Variants in NTAQ1 observed in about 807,000 individuals in gnomAD.
NTAQ1 encodes protein N-terminal glutamine amidohydrolase.
NTAQ1 carries 21 observed loss-of-function variants against 28.2 expected under a neutral mutation model. That is an observed-to-expected ratio of 0.74 (90% CI 0.53 to 1.07). The LOEUF (loss-of-function observed/expected upper bound fraction) is 1.07. Ranked by LOEUF, NTAQ1 falls within the 50% of genes least tolerant of loss-of-function variation. The probability of loss-of-function intolerance (pLI) is 0.00; values close to 1 mark genes in which losing one functional copy is unlikely to be tolerated. For synonymous variants in NTAQ1, 105 were observed against 90.0 expected (o/e 1.17, Z -0.94); for missense variants, 264 against 256.6 (o/e 1.03, Z -0.20).
chr8:123,465,574 CTTTTTTTTTTTTTTTT>C (rs71310691), intron 6 of NTAQ1, among the ~76,000 whole-genome samples: 1 of 78,560 alleles, frequency 1.3e-5, no homozygotes, highest in Non-Finnish European at 2.2e-5. Context: ...AGCATAACAT[CTTTTTTTTTTTTTTTT>C]TTTTTTTTTG....
rs531757342 is a variant in NTAQ1 at position 123,458,682 on chromosome 8, C to T, written c.373-8397C>T. Among the ~76,000 whole-genome samples, 121 of 150,884 alleles carry T rather than the reference C, an allele frequency of 8.0e-4. 1 individual carries two copies. The highest frequency in any genetic ancestry group is 2.8e-3 in the African/African-American group (116 of 41,154). On this transcript the variant is annotated intron_variant, in intron 6 of 6. Coordinates refer to the NTAQ1 transcript ENST00000650311. ...TGTTGCCCAGGCTGGAGTGCAACGG[C>T]GCGATCTCGGCTCACTGCAAGCTCC... is the stretch of plus-strand genomic sequence containing the variant.
At chr8:123,461,171 T>G (rs1169039505) in intron 6 of NTAQ1, among the ~76,000 whole-genome samples, 3 of 152,134 alleles carry the variant, frequency 2.0e-5, no homozygotes, top group Non-Finnish European at 4.4e-5. Context: ...TGGGAGTAGG[T>G]GGATAAGTGG....
chr8:123,442,111 A>C lies in NTAQ1; in HGVS notation c.*696A>C, dbSNP rs1011795417. 1 of 152,358 alleles carries C rather than the reference A, an allele frequency of 6.6e-6. No homozygotes were observed. The highest frequency in any genetic ancestry group is 1.5e-5 in the Non-Finnish European group (1 of 68,044). The allele number at this position is 152,358 out of a possible 1,614,324, so 9.4% of individuals were successfully genotyped here. On this transcript the variant is annotated 3_prime_UTR_variant, in exon 6 of 6. Transcript: ENST00000287387. ...TAGATGAGAACCAGGGCTTTAAAAA[A>C]TATTTATTACATGTGCCTTCTGGAA...
chr8:123,443,140 C>T (rs1403907578), downstream of NTAQ1, among the ~76,000 whole-genome samples: 1 of 152,068 alleles, frequency 6.6e-6, no homozygotes, highest in Non-Finnish European at 1.5e-5. Flanking sequence ...ATGCCTCAGC[C>T]TCCCGAGTAG....
downstream of NTAQ1, among the ~76,000 whole-genome samples, chr8:123,446,281 C>T (rs7001767): frequency 0.29 from 44,431 of 152,148 alleles, 7,177 homozygotes; most frequent in South Asian, 0.45. Flanking sequence ...GCTGGGATTA[C>T]AGGCATCAGC....
At chr8:123,454,389 AGG>A (rs1815588622) in intron 6 of NTAQ1, among the ~76,000 whole-genome samples, 2 of 145,358 alleles carry the variant, frequency 1.4e-5, no homozygotes, top group African/African-American at 5.0e-5. Flanking sequence ...TTTTTTTGAG[AGG>A]GAGTTTCACT....
rs1429546171 is a variant in NTAQ1, at chr8:123,442,055, T to C, written c.*640T>C. On this transcript the variant is annotated 3_prime_UTR_variant, in exon 6 of 6. Transcript: ENST00000287387. Reference sequence around the variant, plus strand: ...TTGAAGATTTTTGTGTCACCCTTGATGATCTGAAATACCTAAATATGCCTC... The same window carrying C: ...TTGAAGATTTTTGTGTCACCCTTGACGATCTGAAATACCTAAATATGCCTC... 1 of 152,590 alleles carries C rather than the reference T, an allele frequency of 6.6e-6. No homozygotes were observed. The highest frequency in any genetic ancestry group is 1.5e-5 in the Non-Finnish European group (1 of 68,044). 9.5% of individuals were successfully genotyped at this position (152,590 alleles called of 1,614,324 possible).
chr8:123,441,336 G>A lies in NTAQ1; in HGVS notation c.539G>A (p.Ser180Asn). The change falls in exon 6 of 6, where the codon AGT (serine) becomes AAT (asparagine). Residue 180 changes from serine (S) to asparagine (N), a missense_variant. Physicochemically the swap from Ser to Asn is conservative, Grantham distance 46. Transcript: ENST00000287387. ...DSKMNLNDFISMDPKVGWGAV... is the reference protein window; with the variant it reads ...DSKMNLNDFINMDPKVGWGAV... ...AAAATGAACCTGAACGATTTCATCAGTATGGATCCCAAGGTAGGATGGGGC... is the reference window on the plus strand; with the variant it reads ...AAAATGAACCTGAACGATTTCATCAATATGGATCCCAAGGTAGGATGGGGC... 6.2e-7 allele frequency: 1 copy of A among 1,611,898 alleles called. No individual in the cohort carries two copies. The highest frequency in any genetic ancestry group is 8.5e-7 in the Non-Finnish European group (1 of 1,178,844).
chr8:123,428,748 C>G (rs1216317564), intron 2 of NTAQ1, among the ~76,000 whole-genome samples: 1 of 151,840 alleles, frequency 6.6e-6, no homozygotes, highest in Non-Finnish European at 1.5e-5. Flanking sequence ...CTACAGGTGT[C>G]CCACCACGAT....
rs182219825 is a variant in NTAQ1 at position 123,427,351 on chromosome 8, C to T, written c.84-573C>T. Among the ~76,000 whole-genome samples the T allele has an allele frequency of 3.4e-3, 461 of 137,344 alleles. 4 individuals are homozygous for T. The highest frequency in any genetic ancestry group is 0.012 in the African/African-American group (441 of 36,832). The allele number at this position is 137,344 out of a possible 152,430, so 90.1% of individuals were successfully genotyped here. ...CACTGCAACTTCTGTCTCTCAGGTT[C>T]GAGCAATTCTCCTGCCTCAGCCTCC... On this transcript the variant is annotated intron_variant, in intron 1 of 5. Coordinates refer to ENST00000287387, the MANE Select transcript of NTAQ1 (RefSeq NM_018024.3).
chr8:123,456,543 C>A (rs1489806957), intron 6 of NTAQ1, among the ~76,000 whole-genome samples: 1 of 152,218 alleles, frequency 6.6e-6, no homozygotes, highest in African/African-American at 2.4e-5. Context: ...TTAATCCTTA[C>A]AGGAATTACA....
downstream of NTAQ1, among the ~76,000 whole-genome samples, chr8:123,451,156 C>T (rs1458253241): frequency 2.0e-5 from 3 of 152,006 alleles, no homozygotes; most frequent in Non-Finnish European, 2.9e-5. Flanking sequence ...CCCTTTTTTT[C>T]TCCCTTATCT....
At chr8:123,462,493 ACT>A (rs1287348840) in intron 6 of NTAQ1, among the ~76,000 whole-genome samples, 1 of 152,124 alleles carries the variant, frequency 6.6e-6, no homozygotes, top group East Asian at 1.9e-4. Context: ...CTTCTAAGGC[ACT>A]CTCTTAGAAG....
intron 6 of NTAQ1, among the ~76,000 whole-genome samples, chr8:123,458,349 T>C (rs1277017051): frequency 1.3e-5 from 2 of 152,084 alleles, no homozygotes; most frequent in Non-Finnish European, 2.9e-5. Flanking sequence ...AAATTATTTT[T>C]CTGTTATACC....
At chr8:123,433,908 T>G (rs553097545) in intron 3 of NTAQ1, among the ~76,000 whole-genome samples, 1 of 134,810 alleles carries the variant, frequency 7.4e-6, no homozygotes, top group Non-Finnish European at 1.6e-5. Flanking sequence ...CTTAAAACAT[T>G]ATGAAATTTT....
At chr8:123,473,697 G>T (rs898872211), downstream of NTAQ1, among the ~76,000 whole-genome samples, 5 of 152,116 alleles carry the variant, frequency 3.3e-5, no homozygotes, top group Non-Finnish European at 7.3e-5. Flanking sequence ...GTAATTTTAG[G>T]TTTCTATTTG....
intron 3 of NTAQ1, chr8:123,435,419 A>T: frequency 1.0e-6 from 1 of 969,750 alleles, no homozygotes; most frequent in Non-Finnish European, 1.2e-6. Context: ...ACTAGAAATT[A>T]AAGTCCTCCT....
At chr8:123,438,750 G>A (rs1409241246) in intron 5 of NTAQ1, among the ~76,000 whole-genome samples, 1 of 152,034 alleles carries the variant, frequency 6.6e-6, no homozygotes, top group Admixed American at 6.6e-5. Context: ...TGAGGGGACT[G>A]AACACTAAGA....
chr8:123,460,033 C>T (rs903291485), intron 6 of NTAQ1, among the ~76,000 whole-genome samples: 1 of 152,114 alleles, frequency 6.6e-6, no homozygotes, highest in Non-Finnish European at 1.5e-5. Flanking sequence ...CTCCCAACCT[C>T]AGGTAATCCG....
Sources: gnomAD v4.1 joint callset for allele counts (sites outside exome capture counted in the v4.1 genomes callset) on GRCh38, gnomAD v4.1.1 for gene constraint, MANE v1.5 for transcripts, NCBI Gene and HGNC (gene_info 2026-07-23, HGNC 2026-07-21) for gene names.